The following ZFP82 variants were observed in gnomAD, a reference collection of about 807,000 sequenced individuals.
The protein encoded by ZFP82 is ZFP82 zinc finger protein.
ZFP82 carries 30 observed loss-of-function variants against 54.0 expected under a neutral mutation model. That is an observed-to-expected ratio of 0.56 (90% CI 0.42 to 0.75). The LOEUF is 0.75. Among genes scored for constraint, ZFP82 ranks in the 30% least tolerant of loss-of-function variants. ZFP82 has a pLI of 0.00. For missense variants in ZFP82, 500 were observed against 636.8 expected, an observed-to-expected ratio of 0.79 and a Z score of 2.31; for synonymous variants, 194 against 209.5, an observed-to-expected ratio of 0.93 and a Z score of 0.64.
chr19:36,412,881 A>G (rs1036928064), intron 1 of ZFP82, among the ~76,000 whole-genome samples: 2 of 152,064 alleles, frequency 1.3e-5, no homozygotes, highest in African/African-American at 4.8e-5. Context: ...TACCTCACCT[A>G]TCTCAGTGTT....
At position 36,413,205 on chromosome 19, in the gene ZFP82, G is replaced by GT. The variant is rs528642524; in HGVS notation, c.-78-3339dup. Among the ~76,000 whole-genome samples the GT allele has an allele frequency of 1.4e-4, 21 of 152,302 alleles. No individual in the cohort carries two copies. In the East Asian group the frequency reaches 3.9e-3, roughly 28 times the overall value. On this transcript the variant is annotated intron_variant, in intron 1 of 4. Transcript: ENST00000392161. ...GTGGGCAGATCACTTGAGGTCAGCA[G>GT]TTTGAGACTAGCCTCGCCAACATGA... is the stretch of plus-strand genomic sequence containing the variant.
At chr19:36,411,779 G>C (rs868304391) in intron 1 of ZFP82, among the ~76,000 whole-genome samples, 10 of 151,744 alleles carry the variant, frequency 6.6e-5, no homozygotes, top group African/African-American at 1.7e-4. Context: ...GCAGGAGAAT[G>C]GCGTGAAACC....
rs1356203543 is a variant in ZFP82, at chr19:36,383,203, A to T, written c.*1129T>A. 6 of 152,192 alleles carry T rather than the reference A, an allele frequency of 3.9e-5. No individual in the cohort carries two copies. The South Asian group carries it at 1.0e-3, about 26-fold the overall frequency. The allele number at this position is 152,192 out of a possible 1,614,324, so 9.4% of individuals were successfully genotyped here. A position where few individuals can be genotyped will look rare whatever the true frequency, so the allele number is the denominator to read the frequency against. On this transcript the variant is annotated 3_prime_UTR_variant, in exon 2 of 2. Coordinates refer to the ZFP82 transcript ENST00000445543. ...TTTATCACAAATTAGACAACCACAT[A>T]TATATAGAGAGAGAGATCTACTTCA... is the stretch of plus-strand genomic sequence containing the variant.
At chr19:36,397,832 C>T (rs1364022778) in intron 4 of ZFP82, among the ~76,000 whole-genome samples, 3 of 151,994 alleles carry the variant, frequency 2.0e-5, no homozygotes, top group East Asian at 1.9e-4. Context: ...GTGATCCACC[C>T]GCCTCAGCCT....
At chr19:36,412,082 G>GAGAC (rs1226256578) in intron 1 of ZFP82, among the ~76,000 whole-genome samples, 1 of 91,884 alleles carries the variant, frequency 1.1e-5, no homozygotes, top group African/African-American at 3.9e-5. Context: ...GAAACAGAGA[G>GAGAC]AGAGAGAGAG....
chr19:36,384,659 T>C (rs749580318), downstream of ZFP82, among the ~76,000 whole-genome samples: 2 of 152,238 alleles, frequency 1.3e-5, no homozygotes, highest in Non-Finnish European at 2.9e-5. Context: ...CTGTGGAACA[T>C]AGTTTCAGAA....
intron 4 of ZFP82, among the ~76,000 whole-genome samples, chr19:36,396,572 C>T (rs982329886): frequency 3.9e-5 from 6 of 152,004 alleles, no homozygotes; most frequent in East Asian, 1.9e-4. Context: ...AGGAGAATGG[C>T]GTGAACCTGG....
intron 4 of ZFP82, among the ~76,000 whole-genome samples, chr19:36,398,354 T>C (rs984057827): frequency 2.0e-5 from 3 of 152,104 alleles, no homozygotes; most frequent in Admixed American, 1.3e-4. Context: ...CTGGCCAATA[T>C]TGTGAAACCC....
chr19:36,413,328 T>C (rs1369076037), intron 1 of ZFP82, among the ~76,000 whole-genome samples: 1 of 152,126 alleles, frequency 6.6e-6, no homozygotes, highest in African/African-American at 2.4e-5. Context: ...GGAGAATCAC[T>C]TGAATCTGGG....
intron 1 of ZFP82, 123 bp from the exon 2 acceptor site, chr19:36,409,990 C>T (rs906426170): frequency 1.0e-4 from 57 of 567,462 alleles, no homozygotes; most frequent in Admixed American, 8.7e-4. Context: ...AACACACACG[C>T]GCGCACACAC....
chr19:36,407,717 A>G (rs73608350), intron 3 of ZFP82, among the ~76,000 whole-genome samples, 170 bp downstream of exon 3: 4,110 of 152,324 alleles, frequency 0.027, 173 homozygotes, highest in African/African-American at 0.094. Context: ...GGGAAGGTCA[A>G]TGTGCTTAAT....
intron 4 of ZFP82, among the ~76,000 whole-genome samples, chr19:36,398,765 C>T (rs559018013): frequency 8.3e-4 from 126 of 152,134 alleles, no homozygotes; most frequent in African/African-American, 2.8e-3. Context: ...AGCTCACTGC[C>T]GCCTCTAACT....
At chr19:36,396,557 G>A (rs576210716) in intron 4 of ZFP82, among the ~76,000 whole-genome samples, 162 of 152,226 alleles carry the variant, frequency 1.1e-3, no homozygotes, top group Non-Finnish European at 1.9e-3. Flanking sequence ...TCGGGAGGCT[G>A]AGGCAGGAGA....
intron 1 of ZFP82, among the ~76,000 whole-genome samples, chr19:36,410,297 T>C (rs768702111): frequency 2.6e-4 from 40 of 152,176 alleles, no homozygotes; most frequent in Non-Finnish European, 1.2e-4. Flanking sequence ...ATCCACATTG[T>C]TTTCTGGAAT....
At chr19:36,383,239 T>C (rs970983499) in exon 2 of ZFP82, 2 of 152,202 alleles carry the variant, frequency 1.3e-5, no homozygotes, top group African/African-American at 4.8e-5. Context: ...GGGCTCTTTA[T>C]TTTGTTCCAT....
chr19:36,393,831 T>C lies in ZFP82; in HGVS notation c.509A>G (p.Tyr170Cys). The C allele has an allele frequency of 1.2e-6, 2 of 1,614,224 alleles. No individual in the cohort carries two copies. Among genetic ancestry groups the C allele is most frequent in the Non-Finnish European group, 8.5e-7 (1 of 1,180,040 alleles). Residue 170 changes from tyrosine to cysteine, a missense_variant, in exon 5 of 5, where the codon TAT (tyrosine) becomes TGT (cysteine). Coordinates refer to ENST00000392161, the MANE Select transcript of ZFP82 (RefSeq NM_133466.4). The stretch of plus-strand genomic sequence containing the variant: ...CGCCTTCCCACATTCCTTACATTCA[T>C]AGGGTTTATCAACAAAATGAAGTCT... ...HQRLHFVDKP[Y>C]ECKECGKAFR...
rs763506381 is a variant in ZFP82 at position 36,393,743 on chromosome 19, T to C, written c.597A>G (p.Glu199=). 3 of 1,613,898 alleles carry C rather than the reference T, an allele frequency of 1.9e-6. No homozygotes were observed. The South Asian group carries it at 3.3e-5, about 18-fold the overall frequency. ...HRIHTGEKPY[E]CKECGMAFRQ... ...TGAAGGCCATCCCACATTCCTTACA[T>C]TCATACGGTTTTTCACCAGTATGAA... Residue 199 remains glutamate, a synonymous_variant, in exon 5 of 5, where the codon GAA becomes GAG. Coordinates refer to ENST00000392161, the MANE Select transcript of ZFP82 (RefSeq NM_133466.4).
At chr19:36,408,884 CTT>C (rs2032530472) in intron 2 of ZFP82, among the ~76,000 whole-genome samples, 1 of 152,128 alleles carries the variant, frequency 6.6e-6, no homozygotes, top group Non-Finnish European at 1.5e-5. Flanking sequence ...TTTAATCATT[CTT>C]TTATACTTAG....
At chr19:36,409,212 A>C (rs1342207653) in intron 2 of ZFP82, among the ~76,000 whole-genome samples, 1 of 152,100 alleles carries the variant, frequency 6.6e-6, no homozygotes, top group African/African-American at 2.4e-5. Flanking sequence ...AAAACATGAG[A>C]TCTTATGATA....
Sources: gnomAD v4.1 joint callset for allele counts (sites outside exome capture counted in the v4.1 genomes callset) on GRCh38, gnomAD v4.1.1 for gene constraint, MANE v1.5 for transcripts, NCBI Gene and HGNC (gene_info 2026-07-23, HGNC 2026-07-21) for gene names.